Variants in NFX1 observed in about 807,000 individuals in gnomAD.
NFX1 encodes nuclear transcription factor, X-box binding 1.
Under a neutral mutation model 137.2 loss-of-function variants are expected in NFX1, and 69 were observed. The ratio of observed to expected loss-of-function variants is 0.50; its 90% CI spans 0.41 to 0.61. The LOEUF is 0.61. Among genes scored for constraint, NFX1 ranks in the 20% least tolerant of loss-of-function variants. NFX1 has a pLI of 0.00. For missense variants in NFX1, 1,167 were observed against 1,391.0 expected (o/e 0.84, Z 2.56); for synonymous variants, 495 against 474.1 (o/e 1.04, Z -0.57).
intron 9 of NFX1, among the ~76,000 whole-genome samples, chr9:33,320,258 C>T (rs1158751589): frequency 6.6e-5 from 10 of 152,160 alleles, no homozygotes; most frequent in African/African-American, 2.4e-4. Flanking sequence ...AGCCACCATG[C>T]CCGGCTGGAT....
In NFX1 at chr9:33,324,581, C is replaced by T. The variant is rs141600641; in HGVS notation, c.1907-4000C>T. ...AGAAGAAAACTTCATTAAAGGGGCT[C>T]AATAGTAGATTTGAGCTGGCAGAAG... On this transcript the variant is annotated intron_variant, in intron 9 of 23. Transcript: ENST00000379540. 8.9e-4 allele frequency among the ~76,000 whole-genome samples: 136 copies of T among 151,960 alleles called. 3 individuals are homozygous for T. In the East Asian group the frequency reaches 0.024, roughly 27 times the overall value.
At chr9:33,306,473 G>A (rs181514684) in intron 4 of NFX1, among the ~76,000 whole-genome samples, 89 of 152,292 alleles carry the variant, frequency 5.8e-4, no homozygotes, top group South Asian at 8.3e-4. Flanking sequence ...ATGGCCTTTA[G>A]GTGGATTGCA....
At chr9:33,339,681 A>C (rs1006797167) in intron 12 of NFX1, among the ~76,000 whole-genome samples, 2 of 152,266 alleles carry the variant, frequency 1.3e-5, no homozygotes, top group Non-Finnish European at 2.9e-5. Context: ...CGCTTTGCCT[A>C]TGAGCCTGTA....
intron 5 of NFX1, among the ~76,000 whole-genome samples, chr9:33,308,973 A>C (rs904839383): frequency 2.6e-5 from 4 of 152,204 alleles, no homozygotes; most frequent in Admixed American, 1.3e-4. Flanking sequence ...CAGATACCTC[A>C]TTCCCTTTGA....
At chr9:33,362,533 A>T (rs1422142593) in intron 19 of NFX1, among the ~76,000 whole-genome samples, 1 of 152,114 alleles carries the variant, frequency 6.6e-6, no homozygotes, top group Admixed American at 6.6e-5. Context: ...ACACCACACG[A>T]TCTCACTCAT....
Position 33,364,028 on chromosome 9 carries a change from T to C in NFX1, c.2892T>C (p.Phe964=). 1 of 1,589,134 alleles carries C rather than the reference T, an allele frequency of 6.3e-7. No homozygotes were observed. The highest frequency in any genetic ancestry group is 8.6e-7 in the Non-Finnish European group (1 of 1,168,964). ...CTTTCAGGAGATTAGCAGAGGCATT[T>C]CATATCAGTGAGGATTCTGATCCTT... ...LERKKRLAEA[F]HISEDSDPFN... is the part of the protein sequence containing the mutation. The change falls in exon 20 of 24, where the codon TTT becomes TTC. Residue 964 remains phenylalanine (F), a synonymous_variant. Transcript: ENST00000379540.
rs1163863930 is a variant in NFX1, at chr9:33,290,535, C to G, written c.-38C>G. 1 of 1,613,312 alleles carries G rather than the reference C, an allele frequency of 6.2e-7. No homozygotes were observed. Among genetic ancestry groups the G allele is most frequent in the Admixed American group, 1.7e-5 (1 of 60,008 alleles). ...GCACGTGACCTGGTGACAGTGCTGA[C>G]TTGGCTGTACAGCTCGATCTAGGTT... On this transcript the variant is annotated 5_prime_UTR_variant, in exon 1 of 24. Transcript: ENST00000379540.
chr9:33,321,077 C>T (rs953054168), intron 9 of NFX1, among the ~76,000 whole-genome samples: 5 of 152,122 alleles, frequency 3.3e-5, no homozygotes, highest in African/African-American at 4.8e-5. Context: ...AATCCCCTTT[C>T]GGAAAGCACA....
In NFX1 at chr9:33,351,767, C is replaced by G; in HGVS notation, c.2632C>G (p.Pro878Ala). 6.3e-7 allele frequency: 1 copy of G among 1,594,182 alleles called. No individual in the cohort carries two copies. The highest frequency in any genetic ancestry group is 1.1e-5 in the South Asian group (1 of 87,622). The change falls in exon 16 of 24, where the codon CCT (proline) becomes GCT (alanine). Residue 878 changes from proline to alanine, a missense_variant. By Grantham distance (27) the Pro-to-Ala change is conservative (BLOSUM62 -1). Transcript: ENST00000379540. Reference protein sequence around the residue: ...MAPCHTSSPCPVTACKAKVEL... With the variant: ...MAPCHTSSPCAVTACKAKVEL... Reference sequence around the variant, plus strand: ...ACCCTGCCATACCAGCTCACCCTGCCCTGTGACTGCTTGTAAAGCTAAGGT... The same window carrying G: ...ACCCTGCCATACCAGCTCACCCTGCGCTGTGACTGCTTGTAAAGCTAAGGT...
chr9:33,322,612 G>A (rs948378950), intron 9 of NFX1, among the ~76,000 whole-genome samples: 3 of 152,016 alleles, frequency 2.0e-5, no homozygotes, highest in African/African-American at 4.8e-5. Context: ...AGCCCTAATC[G>A]TCCTCACCCC....
chr9:33,353,656 C>A (rs1354869505), intron 17 of NFX1, among the ~76,000 whole-genome samples: 1 of 150,554 alleles, frequency 6.6e-6, no homozygotes, highest in African/African-American at 2.4e-5. Flanking sequence ...CTTCCAAGGC[C>A]ACACCAGTTT....
chr9:33,300,065 A>ATTTTTT (rs34826491), intron 2 of NFX1, among the ~76,000 whole-genome samples: 2 of 100,276 alleles, frequency 2.0e-5, no homozygotes, highest in Non-Finnish European at 3.8e-5. Flanking sequence ...ATGTTATAGC[A>ATTTTTT]TTTTTTTTTT....
intron 15 of NFX1, 112 bp downstream of exon 15, chr9:33,347,229 C>A: frequency 2.6e-6 from 2 of 767,498 alleles, no homozygotes; most frequent in East Asian, 2.6e-5. Context: ...GAAGTAGAAG[C>A]TTTCCATTGC....
intron 1 of NFX1, among the ~76,000 whole-genome samples, chr9:33,290,857 C>T (rs1027429887): frequency 4.6e-5 from 7 of 152,236 alleles, no homozygotes; most frequent in African/African-American, 1.7e-4. Context: ...GGGTGCCCTG[C>T]CTTCCCACAG....
intron 1 of NFX1, among the ~76,000 whole-genome samples, chr9:33,294,111 G>A (rs1821258396): frequency 6.6e-6 from 1 of 152,164 alleles, no homozygotes; most frequent in Admixed American, 6.5e-5. Context: ...CTGTTAGCTG[G>A]CCTTAAATTT....
chr9:33,334,853 C>T (rs1345300774), intron 11 of NFX1, among the ~76,000 whole-genome samples: 2 of 152,232 alleles, frequency 1.3e-5, no homozygotes, highest in South Asian at 2.1e-4. Context: ...AAGCAGGAAC[C>T]GTCCTGTCCC....
chr9:33,318,772 A>T lies in NFX1; in HGVS notation c.1630A>T (p.Thr544Ser), dbSNP rs1822269216. 1.2e-6 allele frequency: 2 copies of T among 1,614,200 alleles called. No individual in the cohort carries two copies. The highest frequency in any genetic ancestry group is 1.7e-6 in the Non-Finnish European group (2 of 1,180,034). The change falls in exon 8 of 24, where the codon ACC (threonine) becomes TCC (serine). Residue 544 changes from threonine to serine, a missense_variant. Physicochemically the swap from Thr to Ser is moderately conservative, Grantham distance 58. Coordinates refer to ENST00000379540, the MANE Select transcript of NFX1 (RefSeq NM_002504.6). ...GSTSRDVLCG[T>S]DVGKSDGFGD... The stretch of plus-strand genomic sequence containing the variant: ...CACCTCCCGAGATGTGTTATGTGGA[A>T]CCGATGTAGGAAAGTCTGATGGATT...
rs938909985 is a variant in NFX1, at chr9:33,343,980, CA to C, written c.2225-84del. ...ATAAATTCTCCTCTAAAAATACAAG[CA>C]AAAATGTGTGTGTTTGTGTGTGTTA... On this transcript the variant is annotated intron_variant, in intron 13 of 23. Coordinates refer to ENST00000379540, the MANE Select transcript of NFX1 (RefSeq NM_002504.6). 7 of 1,551,298 alleles carry C rather than the reference CA, an allele frequency of 4.5e-6. No individual in the cohort carries two copies. The South Asian group carries it at 5.8e-5, about 13-fold the overall frequency.
At chr9:33,338,265 G>GA (rs1823086569) in intron 11 of NFX1, among the ~76,000 whole-genome samples, 1 of 151,878 alleles carries the variant, frequency 6.6e-6, no homozygotes, top group South Asian at 2.1e-4. Flanking sequence ...TGAGGCATGA[G>GA]AATCACTTGA....
Sources: allele counts gnomAD v4.1 joint callset (sites outside exome capture counted in the v4.1 genomes callset), GRCh38; gene constraint gnomAD v4.1.1; transcripts MANE v1.5; gene names NCBI Gene and HGNC (gene_info 2026-07-23, HGNC 2026-07-21).